The following INPP4B variants were observed in gnomAD, a reference collection of about 807,000 sequenced individuals.
INPP4B encodes inositol polyphosphate 4-phosphatase type II.
In INPP4B, 55 loss-of-function variants were observed where a neutral mutation model predicts 122.5. The observed-to-expected ratio is 0.45, with a 90% CI of 0.36 to 0.56. The LOEUF is 0.56. Ranked by LOEUF, INPP4B falls within the 20% of genes least tolerant of loss-of-function variation. INPP4B has a pLI of 0.00. For missense variants in INPP4B, 1,000 were observed against 1,097.7 expected, an observed-to-expected ratio of 0.91 and a Z score of 1.26; for synonymous variants, 403 against 388.7, an observed-to-expected ratio of 1.04 and a Z score of -0.43.
chr4:142,727,776 G>C (rs1016015813), intron 1 of INPP4B, among the ~76,000 whole-genome samples: 1 of 152,084 alleles, frequency 6.6e-6, no homozygotes, highest in African/African-American at 2.4e-5. Context: ...TATTCGAAAG[G>C]CTGAGATGGG....
At chr4:142,656,346 T>G (rs1754137695) in intron 2 of INPP4B, among the ~76,000 whole-genome samples, 1 of 152,210 alleles carries the variant, frequency 6.6e-6, no homozygotes, top group African/African-American at 2.4e-5. Flanking sequence ...GCATCATTTT[T>G]GGCGCCCAAC....
intron 3 of INPP4B, among the ~76,000 whole-genome samples, chr4:142,437,635 C>T (rs1401461925): frequency 1.3e-5 from 2 of 152,056 alleles, no homozygotes; most frequent in Non-Finnish European, 2.9e-5. Flanking sequence ...ATTTTCAACC[C>T]AGAATTTCAT....
intron 2 of INPP4B, among the ~76,000 whole-genome samples, chr4:142,484,592 CTTA>C (rs1227699343): frequency 1.3e-5 from 2 of 151,966 alleles, no homozygotes; most frequent in East Asian, 1.9e-4. Context: ...AACACTTTTA[CTTA>C]TTATTATTTT....
At chr4:142,423,780 C>G (rs954871003) in intron 5 of INPP4B, 1 of 428,170 alleles carries the variant, frequency 2.3e-6, no homozygotes, top group Non-Finnish European at 4.6e-6. Flanking sequence ...AGACCTTCTA[C>G]AAGTGGTGGC....
At chr4:142,694,256 C>T (rs1438470139) in intron 2 of INPP4B, among the ~76,000 whole-genome samples, 1 of 151,572 alleles carries the variant, frequency 6.6e-6, no homozygotes, top group Admixed American at 6.6e-5. Flanking sequence ...GTCTGTAATC[C>T]CAGCTACTCA....
At chr4:142,179,030 T>C (rs1445247019) in intron 15 of INPP4B, among the ~76,000 whole-genome samples, 1 of 152,132 alleles carries the variant, frequency 6.6e-6, no homozygotes, top group African/African-American at 2.4e-5. Flanking sequence ...CCCTTTCCAT[T>C]TTCTACTGGA....
At chr4:142,327,926 C>A (rs1361170383) in intron 7 of INPP4B, among the ~76,000 whole-genome samples, 1 of 152,122 alleles carries the variant, frequency 6.6e-6, no homozygotes, top group Non-Finnish European at 1.5e-5. Flanking sequence ...TGCATTTAAC[C>A]CTCTCCTATG....
intron 2 of INPP4B, among the ~76,000 whole-genome samples, chr4:142,471,766 CAATCCA>C (rs1818878457): frequency 7.3e-6 from 1 of 136,178 alleles, no homozygotes; most frequent in East Asian, 2.5e-4. Context: ...TGAGCACCCG[CAATCCA>C]AGCCTGAGCA....
chr4:142,377,753 TATTAGAGTA>T (rs1351659680), intron 7 of INPP4B, among the ~76,000 whole-genome samples: 2 of 152,064 alleles, frequency 1.3e-5, no homozygotes, highest in Non-Finnish European at 1.5e-5. Flanking sequence ...GAATGCAGAG[TATTAGAGTA>T]ATTAAATACT....
At chr4:142,117,668 T>C (rs886090655) in intron 21 of INPP4B, among the ~76,000 whole-genome samples, 3 of 152,124 alleles carry the variant, frequency 2.0e-5, no homozygotes, top group African/African-American at 7.2e-5. Context: ...TATCTCAAAA[T>C]AATAAGATCT....
intron 12 of INPP4B, among the ~76,000 whole-genome samples, chr4:142,227,310 T>C (rs1456359369): frequency 6.6e-6 from 1 of 152,058 alleles, no homozygotes; most frequent in African/African-American, 2.4e-5. Context: ...GAAGATTGTT[T>C]CCAAGAAGCA....
intron 9 of INPP4B, among the ~76,000 whole-genome samples, chr4:142,288,011 A>G (rs1754621241): frequency 6.6e-6 from 1 of 152,044 alleles, no homozygotes. Context: ...ATCCCTTCTT[A>G]TAAGAGCACT....
At chr4:142,248,308 GTC>G (rs980378817) in intron 11 of INPP4B, among the ~76,000 whole-genome samples, 1 of 144,680 alleles carries the variant, frequency 6.9e-6, no homozygotes, top group African/African-American at 2.5e-5. Context: ...CCCTCTCTCT[GTC>G]TCTGTGTTTC....
intron 21 of INPP4B, among the ~76,000 whole-genome samples, chr4:142,116,590 A>C (rs1475885928): frequency 6.6e-6 from 1 of 152,196 alleles, no homozygotes; most frequent in South Asian, 2.1e-4. Flanking sequence ...TGAAAGCAGA[A>C]ATAAAGATGT....
intron 19 of INPP4B, 94 bp from the exon 20 acceptor site, chr4:142,123,509 G>A (rs1405653167): frequency 1.6e-6 from 2 of 1,236,726 alleles, no homozygotes; most frequent in African/African-American, 1.5e-5. Context: ...TCACAGATTC[G>A]ATTATCAGGT....
intron 1 of INPP4B, among the ~76,000 whole-genome samples, chr4:142,836,422 G>T (rs1041986598): frequency 3.9e-5 from 6 of 152,084 alleles, no homozygotes; most frequent in Non-Finnish European, 7.4e-5. Flanking sequence ...GTGTGAGTGT[G>T]TGTGTGCGCG....
intron 3 of INPP4B, among the ~76,000 whole-genome samples, chr4:142,450,804 C>G (rs1466661202): frequency 6.6e-6 from 1 of 152,092 alleles, no homozygotes; most frequent in South Asian, 2.1e-4. Context: ...TTCTAGAGCC[C>G]TTTCTCTTTC....
intron 5 of INPP4B, chr4:142,426,796 G>A (rs1215060632): frequency 6.6e-6 from 1 of 151,762 alleles, no homozygotes; most frequent in African/African-American, 2.4e-5. Flanking sequence ...TGATTGGTGT[G>A]GCTGTTTTCC....
intron 2 of INPP4B, among the ~76,000 whole-genome samples, chr4:142,710,498 T>C (rs1762977889): frequency 6.6e-6 from 1 of 152,210 alleles, no homozygotes; most frequent in Non-Finnish European, 1.5e-5. Context: ...ATAAAATCAA[T>C]TTAATAAAAT....
Sources: allele counts gnomAD v4.1 joint callset (sites outside exome capture counted in the v4.1 genomes callset), GRCh38; gene constraint gnomAD v4.1.1; transcripts MANE v1.5; gene names NCBI Gene and HGNC (gene_info 2026-07-23, HGNC 2026-07-21).